XPR1: variants seen among roughly 807,000 people sequenced by gnomAD.
The protein encoded by XPR1 is solute carrier family 53 member 1.
Under a neutral mutation model 87.5 loss-of-function variants are expected in XPR1, and 28 were observed. That is an observed-to-expected ratio of 0.32 (90% CI 0.24 to 0.44). The LOEUF is 0.44. Ranked by LOEUF, XPR1 falls within the 20% of genes least tolerant of loss-of-function variation. The pLI is 1.00. For synonymous variants in XPR1, 300 were observed against 306.1 expected, an observed-to-expected ratio of 0.98 and a Z score of 0.21; for missense variants, 559 against 862.3, an observed-to-expected ratio of 0.65 and a Z score of 4.41.
chr1:180,706,096 AGTT>A (rs1657548800), intron 2 of XPR1, among the ~76,000 whole-genome samples: 1 of 152,244 alleles, frequency 6.6e-6, no homozygotes, highest in African/African-American at 2.4e-5. Flanking sequence ...ACTGGAGAAT[AGTT>A]AGCTGTATGG....
chr1:180,875,804 G>A (rs1037448676), intron 13 of XPR1, among the ~76,000 whole-genome samples: 7 of 151,964 alleles, frequency 4.6e-5, no homozygotes, highest in African/African-American at 1.7e-4. Context: ...GCCAAATACT[G>A]TTGATAAAGT....
intron 3 of XPR1, among the ~76,000 whole-genome samples, chr1:180,793,014 A>T (rs1004128280): frequency 4.6e-5 from 7 of 152,084 alleles, no homozygotes; most frequent in African/African-American, 1.4e-4. Flanking sequence ...TTGTTTTTGA[A>T]TAACTTCTTT....
intron 6 of XPR1, among the ~76,000 whole-genome samples, chr1:180,810,249 A>G (rs940318789): frequency 6.6e-6 from 1 of 152,166 alleles, no homozygotes; most frequent in Non-Finnish European, 1.5e-5. Context: ...TCAGTCTCTT[A>G]AGAACCTCTC....
intron 2 of XPR1, among the ~76,000 whole-genome samples, chr1:180,766,086 C>T (rs572444502): frequency 6.6e-6 from 1 of 152,136 alleles, no homozygotes; most frequent in Admixed American, 6.5e-5. Flanking sequence ...TCCTGGTCCA[C>T]TATCTCTGTC....
intron 1 of XPR1, among the ~76,000 whole-genome samples, chr1:180,665,290 A>G (rs1021733259): frequency 6.6e-6 from 1 of 152,176 alleles, no homozygotes; most frequent in Non-Finnish European, 1.5e-5. Context: ...CCGTGATCCA[A>G]GTACCTCCAC....
chr1:180,690,460 A>C (rs1223083221), intron 2 of XPR1, among the ~76,000 whole-genome samples: 1 of 152,128 alleles, frequency 6.6e-6, no homozygotes, highest in African/African-American at 2.4e-5. Context: ...TAATCCAAGG[A>C]TGTAATGTAA....
At chr1:180,668,449 C>A (rs1235304144) in intron 1 of XPR1, among the ~76,000 whole-genome samples, 1 of 152,018 alleles carries the variant, frequency 6.6e-6, no homozygotes, top group Non-Finnish European at 1.5e-5. Flanking sequence ...TTTCTGTTAC[C>A]CTTGGATTTA....
At chr1:180,729,416 T>G (rs1178236995) in intron 2 of XPR1, among the ~76,000 whole-genome samples, 1 of 152,182 alleles carries the variant, frequency 6.6e-6, no homozygotes, top group South Asian at 2.1e-4. Flanking sequence ...TCATTCCCAA[T>G]AGTGGGAATG....
chr1:180,635,198 T>C (rs187443344), intron 1 of XPR1, among the ~76,000 whole-genome samples: 15 of 152,280 alleles, frequency 9.9e-5, no homozygotes, highest in African/African-American at 3.6e-4. Context: ...AGAAAATCTC[T>C]TCAATCCATT....
intron 3 of XPR1, among the ~76,000 whole-genome samples, chr1:180,800,945 CA>C (rs1253953365): frequency 6.6e-6 from 1 of 152,116 alleles, no homozygotes; most frequent in Non-Finnish European, 1.5e-5. Flanking sequence ...AGTATTTGGC[CA>C]CCAGACCTGG....
At chr1:180,853,800 T>G (rs1651949267) in intron 11 of XPR1, among the ~76,000 whole-genome samples, 1 of 150,950 alleles carries the variant, frequency 6.6e-6, no homozygotes, top group South Asian at 2.1e-4. Flanking sequence ...GGTTTTTTTT[T>G]TTTTTTTTTT....
intron 2 of XPR1, among the ~76,000 whole-genome samples, chr1:180,769,774 CT>C (rs1648439651): frequency 6.6e-6 from 1 of 152,096 alleles, no homozygotes; most frequent in African/African-American, 2.4e-5. Flanking sequence ...TGCTAATTTC[CT>C]TTCTTTTGGG....
intron 3 of XPR1, among the ~76,000 whole-genome samples, chr1:180,802,058 A>G (rs780803249): frequency 1.1e-3 from 161 of 152,158 alleles, no homozygotes; most frequent in Non-Finnish European, 1.8e-3. Flanking sequence ...AGCCTCCCAA[A>G]GTGCTGGGAT....
intron 2 of XPR1, among the ~76,000 whole-genome samples, chr1:180,706,864 C>T (rs1043045496): frequency 6.6e-6 from 1 of 152,046 alleles, no homozygotes; most frequent in Non-Finnish European, 1.5e-5. Context: ...GTGATCTGCC[C>T]ACCTCGATAT....
rs1422645531 is a variant in XPR1, at chr1:180,632,284, TG to T, written c.69+18del. On this transcript the variant is annotated intron_variant, in intron 1 of 14. Coordinates refer to ENST00000367590, the MANE Select transcript of XPR1 (RefSeq NM_004736.4). ...ATCCAGTATGAGGTACCGGCACGGC[TG>T]GGGTGTGGGAGGACTCGGAGGGGCC... is the stretch of plus-strand genomic sequence containing the variant. 1 of 1,609,272 alleles carries T rather than the reference TG, an allele frequency of 6.2e-7. No homozygotes were observed. The highest frequency in any genetic ancestry group is 1.1e-5 in the South Asian group (1 of 90,304).
rs749016757 is a variant in XPR1 at position 180,749,251 on chromosome 1, G to T, written c.122-38502G>T. 7.6e-4 allele frequency among the ~76,000 whole-genome samples: 115 copies of T among 152,198 alleles called. 2 individuals are homozygous for T. The highest frequency in any genetic ancestry group is 2.8e-4 in the Non-Finnish European group (19 of 68,032). ...TGATGTAGAAAATGCCAATGAAGCA[G>T]ATTAAACTTAAATTTTTTTATGTCT... is the stretch of plus-strand genomic sequence containing the variant. On this transcript the variant is annotated intron_variant, in intron 2 of 14. Coordinates refer to ENST00000367590, the MANE Select transcript of XPR1 (RefSeq NM_004736.4).
At chr1:180,812,085 A>C (rs539305565) in intron 7 of XPR1, among the ~76,000 whole-genome samples, 12 of 152,168 alleles carry the variant, frequency 7.9e-5, no homozygotes, top group African/African-American at 2.9e-4. Flanking sequence ...GACACACCCC[A>C]CAGTAGCATT....
intron 3 of XPR1, among the ~76,000 whole-genome samples, chr1:180,802,197 A>G (rs890491902): frequency 1.3e-5 from 2 of 152,160 alleles, no homozygotes; most frequent in African/African-American, 4.8e-5. Flanking sequence ...AGTTATTAAA[A>G]AAAAAAAACT....
At chr1:180,787,677 T>A in intron 2 of XPR1, 76 bp from the exon 3 acceptor site, 2 of 998,584 alleles carry the variant, frequency 2.0e-6, no homozygotes, top group South Asian at 3.2e-5. Flanking sequence ...CAAAAAGTAA[T>A]CTTAGTTTTT....
Sources: gnomAD v4.1 joint callset for allele counts (sites outside exome capture counted in the v4.1 genomes callset) on GRCh38, gnomAD v4.1.1 for gene constraint, MANE v1.5 for transcripts, NCBI Gene and HGNC (gene_info 2026-07-23, HGNC 2026-07-21) for gene names.